Variants in KCNIP1 observed in about 807,000 individuals in gnomAD.
The protein encoded by KCNIP1 is potassium voltage-gated channel interacting protein 1.
A neutral mutation model predicts 33.0 loss-of-function variants in KCNIP1; 18 were observed. The ratio of observed to expected loss-of-function variants is 0.55; its 90% CI spans 0.38 to 0.81. KCNIP1 has a LOEUF of 0.81. KCNIP1 is among the 30% of genes least tolerant of loss of function. The probability of loss-of-function intolerance (pLI) is 0.00; values close to 1 mark genes in which losing one functional copy is unlikely to be tolerated. For missense variants in KCNIP1, 238 were observed against 271.6 expected (o/e 0.88, Z 0.87); for synonymous variants, 93 against 98.3 (o/e 0.95, Z 0.32).
intron 1 of KCNIP1, among the ~76,000 whole-genome samples, chr5:170,409,032 G>A (rs548799258): frequency 2.6e-4 from 40 of 152,306 alleles, no homozygotes; most frequent in Admixed American, 2.3e-3. Context: ...CTGCAGAGGC[G>A]GGAGGGGCAG....
chr5:170,389,685 T>C (rs527593872), intron 1 of KCNIP1: 1 of 152,364 alleles, frequency 6.6e-6, no homozygotes, highest in Admixed American at 6.5e-5. Context: ...TCTCCTTTTG[T>C]TGGCATGAGG....
intron 1 of KCNIP1, among the ~76,000 whole-genome samples, chr5:170,519,682 T>G (rs527613961): frequency 6.6e-6 from 1 of 152,262 alleles, no homozygotes; most frequent in South Asian, 2.1e-4. Flanking sequence ...AGCCTTTATC[T>G]GTCTATGGAG....
At chr5:170,366,800 T>C (rs1024744812) in intron 1 of KCNIP1, among the ~76,000 whole-genome samples, 3 of 152,206 alleles carry the variant, frequency 2.0e-5, no homozygotes, top group African/African-American at 7.2e-5. Context: ...ACCCAGCAGA[T>C]GGCTCTTCAT....
At chr5:170,447,389 C>T (rs1050805059) in intron 1 of KCNIP1, among the ~76,000 whole-genome samples, 1 of 152,164 alleles carries the variant, frequency 6.6e-6, no homozygotes, top group Non-Finnish European at 1.5e-5. Context: ...GGAAATGCCA[C>T]GTTCCCTCCA....
At chr5:170,584,608 C>T (rs1248727004) in intron 1 of KCNIP1, among the ~76,000 whole-genome samples, 1 of 152,068 alleles carries the variant, frequency 6.6e-6, no homozygotes, top group African/African-American at 2.4e-5. Context: ...TGAGTCTGCA[C>T]GAGGCGTGGA....
intron 1 of KCNIP1, among the ~76,000 whole-genome samples, chr5:170,514,455 C>G (rs1313935659): frequency 2.6e-5 from 4 of 152,178 alleles, no homozygotes; most frequent in Non-Finnish European, 1.5e-5. Context: ...TTGCATACAT[C>G]CAGCCCTGGG....
chr5:170,404,343 G>A (rs1754981114), intron 1 of KCNIP1, among the ~76,000 whole-genome samples: 1 of 151,368 alleles, frequency 6.6e-6, no homozygotes, highest in Non-Finnish European at 1.5e-5. Context: ...TGGTTTTTCT[G>A]TACATAGTTA....
chr5:170,470,558 C>T (rs1299504062), intron 1 of KCNIP1, among the ~76,000 whole-genome samples: 3 of 152,180 alleles, frequency 2.0e-5, no homozygotes, highest in Non-Finnish European at 4.4e-5. Context: ...TTGGGCAGCT[C>T]ATGCTTAAGA....
chr5:170,724,472 AC>A (rs1763940345), intron 5 of KCNIP1, among the ~76,000 whole-genome samples: 1 of 152,230 alleles, frequency 6.6e-6, no homozygotes, highest in African/African-American at 2.4e-5. Flanking sequence ...GGTTGGTTTA[AC>A]ATTCAAAAAC....
intron 1 of KCNIP1, among the ~76,000 whole-genome samples, chr5:170,528,069 C>T (rs1343544904): frequency 6.6e-6 from 1 of 152,190 alleles, no homozygotes; most frequent in Middle Eastern, 3.4e-3. Flanking sequence ...GGAACCCTCC[C>T]AGGAGCCTCA....
intron 1 of KCNIP1, among the ~76,000 whole-genome samples, chr5:170,443,793 G>T (rs1756046807): frequency 6.6e-6 from 1 of 152,214 alleles, no homozygotes. Context: ...CTGCTTGCAG[G>T]AGCCATGGAG....
chr5:170,469,964 CA>C (rs1756687453), intron 1 of KCNIP1, among the ~76,000 whole-genome samples: 1 of 152,164 alleles, frequency 6.6e-6, no homozygotes. Context: ...AGCAGAGGTT[CA>C]CGTATTTCCT....
intron 7 of KCNIP1, 66 bp from the exon 8 acceptor site, chr5:170,735,693 C>G: frequency 7.3e-7 from 1 of 1,376,520 alleles, no homozygotes; most frequent in Non-Finnish European, 1.0e-6. Context: ...ATTTGCTCAC[C>G]AGAGTTACAG....
chr5:170,578,757 G>A (rs140081982), intron 1 of KCNIP1, among the ~76,000 whole-genome samples: 15 of 152,324 alleles, frequency 9.8e-5, no homozygotes, highest in African/African-American at 3.4e-4. Context: ...AAGAGGGTTG[G>A]AGAGAGGGTT....
At chr5:170,560,556 C>T (rs1757002267) in intron 1 of KCNIP1, among the ~76,000 whole-genome samples, 2 of 152,038 alleles carry the variant, frequency 1.3e-5, no homozygotes, top group South Asian at 4.2e-4. Flanking sequence ...CAGTGTTGTG[C>T]CCCCGGGGAT....
chr5:170,501,791 C>T (rs1757418337), upstream of KCNIP1, among the ~76,000 whole-genome samples: 1 of 152,250 alleles, frequency 6.6e-6, no homozygotes, highest in Admixed American at 6.5e-5. Flanking sequence ...CAGCAAAGAG[C>T]TCTCCTCTGT....
intron 6 of KCNIP1, 126 bp downstream of exon 6, chr5:170,733,030 A>G (rs1283942386): frequency 1.3e-5 from 8 of 601,008 alleles, no homozygotes; most frequent in Non-Finnish European, 1.8e-5. Context: ...AAAGAATTAT[A>G]AGATACATTG....
At chr5:170,364,167 C>T (rs919630047) in intron 1 of KCNIP1, among the ~76,000 whole-genome samples, 1 of 152,028 alleles carries the variant, frequency 6.6e-6, no homozygotes, top group African/African-American at 2.4e-5. Flanking sequence ...CCACACCCAA[C>T]TAATTTTTTA....
chr5:170,618,819 A>G (rs191391982), intron 1 of KCNIP1, among the ~76,000 whole-genome samples: 3 of 152,314 alleles, frequency 2.0e-5, no homozygotes, highest in Non-Finnish European at 4.4e-5. Context: ...TTATAAAGAC[A>G]GGGTTTCTGT....
Sources: allele counts gnomAD v4.1 joint callset (sites outside exome capture counted in the v4.1 genomes callset), GRCh38; gene constraint gnomAD v4.1.1; transcripts MANE v1.5; gene names NCBI Gene and HGNC (gene_info 2026-07-23, HGNC 2026-07-21).